MALRD1: variants seen among roughly 807,000 people sequenced by gnomAD.
MALRD1 encodes MAM and LDL receptor class A domain containing 1, also known as MAM and LDL-receptor class A domain-containing protein 1.
MALRD1 carries 247 observed loss-of-function variants against 242.1 expected under a neutral mutation model. That is an observed-to-expected ratio of 1.02 (90% CI 0.92 to 1.13). The LOEUF (loss-of-function observed/expected upper bound fraction) is 1.13, where lower values mean the gene tolerates loss of function less well. Ranked by LOEUF, MALRD1 falls within the 50% of genes most tolerant of loss-of-function variation. The probability of loss-of-function intolerance (pLI) is 0.00; values close to 1 mark genes in which losing one functional copy is unlikely to be tolerated. For missense variants in MALRD1, 2,989 were observed against 2,533.1 expected, an observed-to-expected ratio of 1.18 and a Z score of -3.86; for synonymous variants, 995 against 866.6, an observed-to-expected ratio of 1.15 and a Z score of -2.60.
chr10:19,274,503 A>G (rs1005852177), intron 19 of MALRD1, among the ~76,000 whole-genome samples: 1 of 152,140 alleles, frequency 6.6e-6, no homozygotes, highest in African/African-American at 2.4e-5. Flanking sequence ...CCTATTCTCT[A>G]CCATGTGAGG....
intron 26 of MALRD1, among the ~76,000 whole-genome samples, chr10:19,369,503 C>A (rs931105759): frequency 2.0e-5 from 3 of 146,894 alleles, no homozygotes; most frequent in Non-Finnish European, 4.5e-5. Context: ...TCATTGTGTG[C>A]GTTTATATAT....
intron 32 of MALRD1, among the ~76,000 whole-genome samples, chr10:19,552,253 T>G (rs1388312168): frequency 2.0e-5 from 3 of 152,276 alleles, no homozygotes; most frequent in South Asian, 4.1e-4. Context: ...TATTTATTAC[T>G]GCTTCAATTT....
intron 21 of MALRD1, among the ~76,000 whole-genome samples, chr10:19,290,001 T>C (rs1375625268): frequency 2.0e-5 from 3 of 152,198 alleles, no homozygotes; most frequent in Non-Finnish European, 4.4e-5. Flanking sequence ...TTCAAAATAT[T>C]CTCTCGCTTT....
At chr10:19,547,171 T>A (rs1477764838) in intron 32 of MALRD1, among the ~76,000 whole-genome samples, 1 of 152,182 alleles carries the variant, frequency 6.6e-6, no homozygotes, top group African/African-American at 2.4e-5. Flanking sequence ...TATTTCTGAT[T>A]ACTCCTATTT....
chr10:19,279,394 A>G (rs1226793273), intron 19 of MALRD1, among the ~76,000 whole-genome samples: 1 of 152,144 alleles, frequency 6.6e-6, no homozygotes, highest in South Asian at 2.1e-4. Flanking sequence ...TTCAGGTTTA[A>G]TATTTAACTT....
chr10:19,126,040 T>A (rs1837272974), intron 7 of MALRD1, among the ~76,000 whole-genome samples: 1 of 152,088 alleles, frequency 6.6e-6, no homozygotes, highest in Admixed American at 6.5e-5. Flanking sequence ...TATCTGGTCA[T>A]ACAATTTTAG....
intron 29 of MALRD1, chr10:19,489,240 A>T: frequency 4.2e-6 from 2 of 477,152 alleles, no homozygotes; most frequent in Non-Finnish European, 8.6e-6. Context: ...ACATCTTAAG[A>T]CAAAAAAGCA....
At chr10:19,054,483 C>G (rs1049548327) in intron 1 of MALRD1, among the ~76,000 whole-genome samples, 1 of 152,018 alleles carries the variant, frequency 6.6e-6, no homozygotes, top group South Asian at 2.1e-4. Flanking sequence ...CTGTAGTCAC[C>G]CTGTTGTGCA....
intron 31 of MALRD1, among the ~76,000 whole-genome samples, chr10:19,522,720 G>A (rs1833936493): frequency 6.6e-6 from 1 of 152,076 alleles, no homozygotes; most frequent in Non-Finnish European, 1.5e-5. Flanking sequence ...CCATTTGATA[G>A]ATGATAAATA....
chr10:19,373,482 G>A (rs1334930019), intron 26 of MALRD1, among the ~76,000 whole-genome samples: 1 of 151,652 alleles, frequency 6.6e-6, no homozygotes, highest in African/African-American at 2.4e-5. Flanking sequence ...TCATGCCACT[G>A]CACTCCAGCC....
At chr10:19,217,608 C>T (rs2583650) in intron 18 of MALRD1, among the ~76,000 whole-genome samples, 72,789 of 149,332 alleles carry the variant, frequency 0.49, 18,887 homozygotes, top group South Asian at 0.69. Flanking sequence ...TCTCAGCTCA[C>T]TGCAACCTTC....
intron 1 of MALRD1, among the ~76,000 whole-genome samples, chr10:19,059,335 T>G (rs549251384): frequency 6.6e-6 from 1 of 152,284 alleles, no homozygotes; most frequent in Non-Finnish European, 1.5e-5. Context: ...ACTTTTCTTT[T>G]TTGTATATCT....
intron 19 of MALRD1, among the ~76,000 whole-genome samples, chr10:19,262,838 C>T (rs1361715593): frequency 6.6e-6 from 1 of 152,130 alleles, no homozygotes; most frequent in Non-Finnish European, 1.5e-5. Context: ...GTACTCTGTT[C>T]TGTGAGTTCA....
chr10:19,385,520 C>A (rs901852125), intron 26 of MALRD1, among the ~76,000 whole-genome samples: 2 of 151,906 alleles, frequency 1.3e-5, no homozygotes, highest in Non-Finnish European at 1.5e-5. Flanking sequence ...TTATTCAATT[C>A]TTGGTGTATA....
chr10:19,421,458 G>A (rs1448579531), intron 28 of MALRD1, among the ~76,000 whole-genome samples: 2 of 152,136 alleles, frequency 1.3e-5, no homozygotes, highest in African/African-American at 4.8e-5. Flanking sequence ...ATAATTTCTG[G>A]TTAGAGGCTG....
chr10:19,203,346 A>C (rs7077675), intron 14 of MALRD1, among the ~76,000 whole-genome samples: 21,315 of 152,112 alleles, frequency 0.14, 1,587 homozygotes, highest in Middle Eastern at 0.21. Context: ...TTCATGATTT[A>C]ACATAAAATA....
At chr10:19,086,177 C>T (rs1835662679) in intron 2 of MALRD1, among the ~76,000 whole-genome samples, 1 of 152,032 alleles carries the variant, frequency 6.6e-6, no homozygotes, top group Admixed American at 6.6e-5. Flanking sequence ...TCGTTAATAT[C>T]ACTGTTTGCT....
intron 34 of MALRD1, among the ~76,000 whole-genome samples, chr10:19,604,564 C>A (rs1380872472): frequency 7.2e-5 from 11 of 152,068 alleles, no homozygotes; most frequent in African/African-American, 2.7e-4. Flanking sequence ...TCAGCAAATG[C>A]TGAGATGGAG....
intron 18 of MALRD1, among the ~76,000 whole-genome samples, chr10:19,256,239 G>A (rs892568017): frequency 2.0e-5 from 3 of 151,906 alleles, no homozygotes; most frequent in African/African-American, 4.8e-5. Flanking sequence ...TACATGTATG[G>A]GTACAGGACA....
Sources: allele counts gnomAD v4.1 joint callset (sites outside exome capture counted in the v4.1 genomes callset), GRCh38; gene constraint gnomAD v4.1.1; transcripts MANE v1.5; gene names NCBI Gene and HGNC (gene_info 2026-07-23, HGNC 2026-07-21).